ARL14EPL: variants seen among roughly 807,000 people sequenced by gnomAD.
ARL14EPL encodes ARL14 effector protein-like.
In ARL14EPL, 17 loss-of-function variants were observed where a neutral mutation model predicts 15.9. That is an observed-to-expected ratio of 1.07 (90% CI 0.73 to 1.60). The LOEUF (loss-of-function observed/expected upper bound fraction) is 1.60, where lower values mean the gene tolerates loss of function less well. Among genes scored for constraint, ARL14EPL ranks in the 40% most tolerant of loss-of-function variants. The probability of loss-of-function intolerance (pLI) is 0.00; values close to 1 mark genes in which losing one functional copy is unlikely to be tolerated. For missense variants in ARL14EPL, 214 were observed against 185.9 expected, an observed-to-expected ratio of 1.15 and a Z score of -0.88; for synonymous variants, 78 against 63.8, an observed-to-expected ratio of 1.22 and a Z score of -1.06.
chr5:116,051,695 G>A (rs925490473), intron 2 of ARL14EPL, 134 bp downstream of exon 2: 3 of 795,270 alleles, frequency 3.8e-6, no homozygotes, highest in East Asian at 5.3e-5. Context: ...CGCCCAGGCT[G>A]ATAGAGCTTT....
At chr5:116,043,449 G>T (rs115450688) in intron 1 of ARL14EPL, among the ~76,000 whole-genome samples, 1,843 of 152,022 alleles carry the variant, frequency 0.012, 12 homozygotes, top group Non-Finnish European at 0.017. Context: ...ATGTCAAAAG[G>T]TCAATAATTT....
At chr5:116,032,667 T>C (rs1357236724) in intron 1 of ARL14EPL, among the ~76,000 whole-genome samples, 162 bp downstream of exon 1, 1 of 152,228 alleles carries the variant, frequency 6.6e-6, no homozygotes, top group Non-Finnish European at 1.5e-5. Flanking sequence ...AGTACATATG[T>C]ACAGGAAAAA....
chr5:116,044,135 G>A (rs1749219446), intron 1 of ARL14EPL, among the ~76,000 whole-genome samples: 1 of 152,106 alleles, frequency 6.6e-6, no homozygotes, highest in African/African-American at 2.4e-5. Flanking sequence ...GACCACCTTA[G>A]GATTTTTGCA....
intron 1 of ARL14EPL, among the ~76,000 whole-genome samples, chr5:116,040,854 G>A (rs564037499): frequency 4.7e-5 from 7 of 148,766 alleles, no homozygotes; most frequent in South Asian, 2.1e-4. Context: ...GGTGGCGGGC[G>A]CCTGTAGTCC....
chr5:116,034,604 CTAGAAG>C (rs1314483798), intron 1 of ARL14EPL, among the ~76,000 whole-genome samples: 16 of 152,230 alleles, frequency 1.1e-4, no homozygotes, highest in African/African-American at 3.6e-4. Flanking sequence ...ACCTGCTCAA[CTAGAAG>C]TAGTACAACG....
intron 1 of ARL14EPL, among the ~76,000 whole-genome samples, chr5:116,047,908 G>A (rs1467018071): frequency 6.6e-6 from 1 of 152,176 alleles, no homozygotes; most frequent in Admixed American, 6.5e-5. Flanking sequence ...AAGAGAATGG[G>A]GCTGAGAGAT....
chr5:116,054,473 CAG>C (rs910324330), intron 3 of ARL14EPL, among the ~76,000 whole-genome samples: 1 of 152,096 alleles, frequency 6.6e-6, no homozygotes, highest in African/African-American at 2.4e-5. Flanking sequence ...GGAATGAACT[CAG>C]GATATTAAAT....
intron 3 of ARL14EPL, among the ~76,000 whole-genome samples, chr5:116,055,879 T>C (rs999784985): frequency 3.9e-5 from 6 of 152,106 alleles, no homozygotes; most frequent in Non-Finnish European, 4.4e-5. Context: ...TTCTCATCTG[T>C]GAGTGAGAAC....
At chr5:116,051,221 A>T (rs1749369880) in intron 1 of ARL14EPL, 1 of 448,878 alleles carries the variant, frequency 2.2e-6, no homozygotes, top group African/African-American at 2.0e-5. Flanking sequence ...AAGGACTGTC[A>T]AAGGTACTAT....
chr5:116,054,990 T>TA (rs1262128006), intron 3 of ARL14EPL, among the ~76,000 whole-genome samples: 3 of 151,902 alleles, frequency 2.0e-5, no homozygotes, highest in Admixed American at 6.6e-5. Flanking sequence ...ATTAATAACA[T>TA]AAAAAATCAG....
intron 3 of ARL14EPL, 148 bp downstream of exon 3, chr5:116,054,301 T>C: frequency 1.1e-6 from 1 of 927,092 alleles, no homozygotes; most frequent in Non-Finnish European, 1.5e-6. Flanking sequence ...TGTCTGGACG[T>C]TAGCAACCTT....
In ARL14EPL at chr5:116,059,027, C is replaced by G; in HGVS notation, c.*80C>G. ...TCTTTCTTTTGGGTGAATTTTAGGG[C>G]TTGGGGGAAATATCGAAAAAACATA... is the stretch of plus-strand genomic sequence containing the variant. On this transcript the variant is annotated 3_prime_UTR_variant, in exon 4 of 4. Coordinates refer to ENST00000686077, the MANE Select transcript of ARL14EPL (RefSeq NM_001195581.2). 1 of 1,359,850 alleles carries G rather than the reference C, an allele frequency of 7.4e-7. No homozygotes were observed. Among genetic ancestry groups the G allele is most frequent in the Non-Finnish European group, 1.0e-6 (1 of 993,782 alleles). 84.2% of individuals were successfully genotyped at this position (1,359,850 alleles called of 1,614,324 possible).
intron 1 of ARL14EPL, among the ~76,000 whole-genome samples, chr5:116,033,175 T>C (rs932011905): frequency 2.0e-5 from 3 of 152,174 alleles, no homozygotes; most frequent in African/African-American, 7.2e-5. Context: ...TATTACCACC[T>C]CCTTTTACTA....
At chr5:116,057,842 T>C (rs1749556841) in intron 3 of ARL14EPL, among the ~76,000 whole-genome samples, 1 of 152,220 alleles carries the variant, frequency 6.6e-6, no homozygotes, top group South Asian at 2.1e-4. Flanking sequence ...AATTTTGCCA[T>C]ACTAGCTTAG....
chr5:116,037,240 G>GA (rs1430314433), intron 1 of ARL14EPL, among the ~76,000 whole-genome samples: 4 of 151,968 alleles, frequency 2.6e-5, no homozygotes, highest in Admixed American at 6.6e-5. Context: ...AGTTTATTTA[G>GA]AAAAAAATGG....
At chr5:116,046,453 C>A (rs910894463) in intron 1 of ARL14EPL, among the ~76,000 whole-genome samples, 3 of 152,008 alleles carry the variant, frequency 2.0e-5, no homozygotes, top group Admixed American at 2.0e-4. Flanking sequence ...ACGTATGAGT[C>A]ATTTTGCCTG....
At position 116,054,117 on chromosome 5, in the gene ARL14EPL, T is replaced by C. The variant is rs1411930768; in HGVS notation, c.200T>C (p.Met67Thr). 1.4e-4 allele frequency: 211 copies of C among 1,535,570 alleles called. 1 individual carries two copies. Among genetic ancestry groups the C allele is most frequent in the Non-Finnish European group, 1.8e-4 (210 of 1,146,656 alleles). ...AGGCAGCAGAAAAAGAAAGCCCGGA[T>C]GTCAAAGATGAATGAATATTTTTCT... ...ETRQQKKKARMSKMNEYFSTK... is the reference protein window; with the variant it reads ...ETRQQKKKARTSKMNEYFSTK... Residue 67 changes from methionine to threonine, a missense_variant, in exon 3 of 4, where the codon ATG becomes ACG. Physicochemically the swap from Met to Thr is moderately conservative, Grantham distance 81. Coordinates refer to ENST00000686077, the MANE Select transcript of ARL14EPL (RefSeq NM_001195581.2).
At chr5:116,035,531 C>A (rs1392768480) in intron 1 of ARL14EPL, among the ~76,000 whole-genome samples, 1 of 152,114 alleles carries the variant, frequency 6.6e-6, no homozygotes, top group African/African-American at 2.4e-5. Flanking sequence ...ATTGGAGAAC[C>A]AAAATGACAA....
chr5:116,039,899 C>T (rs1749117550), intron 1 of ARL14EPL, among the ~76,000 whole-genome samples: 1 of 152,160 alleles, frequency 6.6e-6, no homozygotes, highest in African/African-American at 2.4e-5. Flanking sequence ...ATTTACTAAA[C>T]TGTCTGACAA....
Sources: gnomAD v4.1 joint callset for allele counts (sites outside exome capture counted in the v4.1 genomes callset) on GRCh38, gnomAD v4.1.1 for gene constraint, MANE v1.5 for transcripts, NCBI Gene and HGNC (gene_info 2026-07-23, HGNC 2026-07-21) for gene names.